Variants in CCDC38 observed in about 807,000 individuals in gnomAD.
The protein encoded by CCDC38 is coiled-coil domain-containing protein 38.
A neutral mutation model predicts 72.8 loss-of-function variants in CCDC38; 69 were observed. The observed-to-expected ratio is 0.95, with a 90% CI of 0.78 to 1.16. The LOEUF (loss-of-function observed/expected upper bound fraction) is 1.16. Among genes scored for constraint, CCDC38 ranks in the 50% most tolerant of loss-of-function variants. The pLI, the probability that CCDC38 is intolerant of heterozygous loss-of-function variation, is 0.00. For missense variants in CCDC38, 626 were observed against 638.9 expected (o/e 0.98, Z 0.22); for synonymous variants, 201 against 213.2 (o/e 0.94, Z 0.50).
chr12:95,888,643 T>G (rs1343912754), intron 9 of CCDC38, 137 bp from the exon 10 acceptor site: 3 of 668,110 alleles, frequency 4.5e-6, no homozygotes, highest in Non-Finnish European at 7.9e-6. Flanking sequence ...TACTTCTTTC[T>G]TTTTTTAAAA....
intron 2 of CCDC38, among the ~76,000 whole-genome samples, chr12:95,924,322 T>G (rs951279934): frequency 2.0e-4 from 29 of 148,078 alleles, no homozygotes; most frequent in Admixed American, 1.8e-3. Context: ...CATGTGTTTT[T>G]TGGCTGCATA....
intron 10 of CCDC38, among the ~76,000 whole-genome samples, chr12:95,881,928 A>G (rs1299278829): frequency 6.6e-6 from 1 of 152,206 alleles, no homozygotes; most frequent in African/African-American, 2.4e-5. Context: ...GAGAATCTGA[A>G]TGTGCTCTAC....
chr12:95,918,895 T>A lies in CCDC38; in HGVS notation c.119A>T (p.Glu40Val). 6.2e-7 allele frequency: 1 copy of A among 1,607,642 alleles called. No homozygotes were observed. Residue 40 changes from glutamate (E) to valine (V), a missense_variant, in exon 3 of 16, where the codon GAA becomes GTA. Physicochemically the swap from Glu to Val is moderately radical, Grantham distance 121. Transcript: ENST00000344280. ...FRDLFLVKENEMAAKETEKFM... is the reference protein window; with the variant it reads ...FRDLFLVKENVMAAKETEKFM... ...CTTTACCGTTTCCTTTGCTGCCATT[T>A]CATTTTCTTTGACAAGAAAGAGATC...
At chr12:95,943,147 T>C (rs982890991), upstream of CCDC38, 5 of 460,144 alleles carry the variant, frequency 1.1e-5, no homozygotes, top group Admixed American at 8.9e-5. Flanking sequence ...TCTCGTTTAC[T>C]CGGGATGGGA....
chr12:95,929,083 G>A (rs112879462), intron 2 of CCDC38, among the ~76,000 whole-genome samples: 27 of 152,246 alleles, frequency 1.8e-4, no homozygotes, highest in Non-Finnish European at 2.2e-4. Flanking sequence ...CGAGCTTCCC[G>A]GCTGCTTTGT....
At chr12:95,907,397 C>G (rs1383165835) in intron 4 of CCDC38, among the ~76,000 whole-genome samples, 4 of 139,268 alleles carry the variant, frequency 2.9e-5, no homozygotes, top group Non-Finnish European at 4.7e-5. Flanking sequence ...CCAGTAGGGG[C>G]GGCCGGGCAG....
At chr12:95,904,625 G>A (rs947496258) in intron 5 of CCDC38, among the ~76,000 whole-genome samples, 1 of 152,188 alleles carries the variant, frequency 6.6e-6, no homozygotes, top group African/African-American at 2.4e-5. Context: ...AGAGAATATT[G>A]TCAACAAGGG....
intron 4 of CCDC38, among the ~76,000 whole-genome samples, chr12:95,908,037 G>T (rs1233052013): frequency 1.3e-5 from 2 of 152,144 alleles, no homozygotes; most frequent in Non-Finnish European, 2.9e-5. Flanking sequence ...CCCAGACGGG[G>T]TGGCGGCCTT....
chr12:95,923,542 T>TA (rs1565964849), intron 2 of CCDC38, among the ~76,000 whole-genome samples: 4 of 61,540 alleles, frequency 6.5e-5, no homozygotes, highest in Non-Finnish European at 6.8e-5. Flanking sequence ...CTTTTTTTTT[T>TA]TAATTTATTA....
intron 2 of CCDC38, among the ~76,000 whole-genome samples, chr12:95,921,365 A>T (rs957930680): frequency 6.6e-6 from 1 of 152,074 alleles, no homozygotes; most frequent in African/African-American, 2.4e-5. Context: ...CTTCTCTGAG[A>T]CTCGGTAGTT....
chr12:95,906,303 C>T (rs1291993976), intron 5 of CCDC38, 84 bp downstream of exon 5: 7 of 1,006,494 alleles, frequency 7.0e-6, no homozygotes, highest in Non-Finnish European at 7.7e-6. Context: ...ATGTAATAGA[C>T]AAGCAAAATG....
intron 4 of CCDC38, among the ~76,000 whole-genome samples, chr12:95,908,471 G>T (rs1235736410): frequency 0.086 from 5 of 58 alleles, no homozygotes; most frequent in Non-Finnish European, 0.25. Context: ...GAGAGGGAGA[G>T]GGAGAGGGAG....
chr12:95,931,605 A>G (rs1038351624), intron 2 of CCDC38, among the ~76,000 whole-genome samples: 1 of 152,164 alleles, frequency 6.6e-6, no homozygotes, highest in Admixed American at 6.5e-5. Context: ...ACAAATACCA[A>G]TGAAGCCTCA....
chr12:95,909,428 A>T (rs2080066466), intron 4 of CCDC38, among the ~76,000 whole-genome samples: 1 of 152,116 alleles, frequency 6.6e-6, no homozygotes, highest in Non-Finnish European at 1.5e-5. Flanking sequence ...AAACCAAATA[A>T]AGCCCTGGAC....
intron 2 of CCDC38, among the ~76,000 whole-genome samples, chr12:95,923,634 T>C (rs915552208): frequency 1.3e-5 from 2 of 152,110 alleles, no homozygotes; most frequent in Non-Finnish European, 2.9e-5. Context: ...GCTGGTGTGC[T>C]GCACCCACTA....
intron 4 of CCDC38, among the ~76,000 whole-genome samples, chr12:95,912,130 T>A (rs186525868): frequency 3.3e-5 from 5 of 152,308 alleles, no homozygotes; most frequent in African/African-American, 1.2e-4. Context: ...AAGCAAATAC[T>A]GCATGTTCTC....
intron 8 of CCDC38, among the ~76,000 whole-genome samples, chr12:95,891,942 G>C (rs2079831597): frequency 1.3e-5 from 2 of 152,108 alleles, no homozygotes; most frequent in Non-Finnish European, 2.9e-5. Flanking sequence ...CTATCCTGGA[G>C]TAGTGGCATC....
intron 15 of CCDC38, 81 bp from the exon 16 acceptor site, chr12:95,867,270 A>C: frequency 2.7e-6 from 2 of 748,220 alleles, no homozygotes; most frequent in South Asian, 3.1e-5. Context: ...TACCAATATT[A>C]ACTTGATTTT....
At chr12:95,934,013 A>G (rs1044192284) in intron 2 of CCDC38, 5 of 152,090 alleles carry the variant, frequency 3.3e-5, no homozygotes, top group South Asian at 2.1e-4. Flanking sequence ...GTCTATAAAA[A>G]CAATTGTTTT....
Sources: gnomAD v4.1 joint callset for allele counts (sites outside exome capture counted in the v4.1 genomes callset) on GRCh38, gnomAD v4.1.1 for gene constraint, MANE v1.5 for transcripts, NCBI Gene and HGNC (gene_info 2026-07-23, HGNC 2026-07-21) for gene names.